VWC2L: variants seen among roughly 807,000 people sequenced by gnomAD.
VWC2L encodes the protein von Willebrand factor C domain containing 2 like.
Under a neutral mutation model 21.6 loss-of-function variants are expected in VWC2L, and 10 were observed. That is an observed-to-expected ratio of 0.46 (90% confidence interval 0.29 to 0.78). VWC2L has a LOEUF of 0.78. VWC2L is among the 30% of genes least tolerant of loss of function. VWC2L has a pLI of 0.10. For synonymous variants in VWC2L, 96 were observed against 94.3 expected, an observed-to-expected ratio of 1.02 and a Z score of -0.10; for missense variants, 209 against 277.1, an observed-to-expected ratio of 0.75 and a Z score of 1.74.
At chr2:214,450,489 G>A (rs945084065) in intron 3 of VWC2L, among the ~76,000 whole-genome samples, 1 of 152,208 alleles carries the variant, frequency 6.6e-6, no homozygotes, top group Admixed American at 6.5e-5. Flanking sequence ...AAATTTGAGG[G>A]AAAGAGTTGA....
intron 3 of VWC2L, among the ~76,000 whole-genome samples, chr2:214,493,892 C>G (rs1398503719): frequency 1.3e-5 from 2 of 152,164 alleles, no homozygotes; most frequent in African/African-American, 2.4e-5. Flanking sequence ...AAGACCCTAC[C>G]TGCAGATGTT....
At chr2:214,442,924 T>C (rs1210583442) in intron 3 of VWC2L, among the ~76,000 whole-genome samples, 1 of 152,180 alleles carries the variant, frequency 6.6e-6, no homozygotes, top group Non-Finnish European at 1.5e-5. Flanking sequence ...TCATATATTG[T>C]ATAACATATT....
intron 3 of VWC2L, among the ~76,000 whole-genome samples, chr2:214,566,454 T>TC (rs1389208537): frequency 6.6e-6 from 1 of 152,214 alleles, no homozygotes; most frequent in African/African-American, 2.4e-5. Context: ...TCTCTAGAGC[T>TC]CTCAGACTGA....
chr2:214,440,069 C>T (rs1702741933), intron 3 of VWC2L, among the ~76,000 whole-genome samples: 1 of 151,732 alleles, frequency 6.6e-6, no homozygotes, highest in Non-Finnish European at 1.5e-5. Flanking sequence ...TCAGTGATTA[C>T]CATAAACAAG....
At chr2:214,467,614 T>C (rs1399772788) in intron 3 of VWC2L, among the ~76,000 whole-genome samples, 3 of 152,194 alleles carry the variant, frequency 2.0e-5, no homozygotes, top group Admixed American at 6.5e-5. Flanking sequence ...ACTGTTACTA[T>C]ACCTTGGCCC....
rs1229933171 is a variant in VWC2L, at chr2:214,563,578, A to AAAAG, written c.521-12091_521-12090insGAAA. Among the ~76,000 whole-genome samples the AAAAG allele has an allele frequency of 1.6e-4, 21 of 133,530 alleles. 10 individuals carry two copies. The highest frequency in any genetic ancestry group is 2.2e-4 in the Non-Finnish European group (14 of 63,778). The allele number at this position is 133,530 out of a possible 152,430, so 87.6% of individuals were successfully genotyped here. ...AAAAAAAAAAAAAAAAAAAAAAAAA[A>AAAAG]AAATCAAGTGGTTCTAAATGTGAAG... On this transcript the variant is annotated intron_variant, in intron 3 of 3. Transcript: ENST00000312504.
intron 3 of VWC2L, among the ~76,000 whole-genome samples, chr2:214,512,191 G>A (rs1466804296): frequency 6.6e-6 from 1 of 152,092 alleles, no homozygotes; most frequent in Non-Finnish European, 1.5e-5. Context: ...CAACTGTGTT[G>A]CTACCTGGCC....
In VWC2L at chr2:214,472,699, G is replaced by A. The variant is rs4331499; in HGVS notation, c.520+35941G>A. On this transcript the variant is annotated intron_variant, in intron 3 of 3. Transcript: ENST00000312504. ...GCATAGCATGTCACCATGGTGATGA[G>A]ATTGCCATTGGCACCATTCTGGGCT... is the stretch of plus-strand genomic sequence containing the variant. Among the ~76,000 whole-genome samples the A allele has an allele frequency of 3.3e-5, 5 of 152,294 alleles. No homozygotes were observed. The South Asian group carries it at 1.0e-3, about 32-fold the overall frequency.
At chr2:214,538,741 A>C (rs1385767696) in intron 3 of VWC2L, among the ~76,000 whole-genome samples, 2 of 151,898 alleles carry the variant, frequency 1.3e-5, no homozygotes, top group Non-Finnish European at 2.9e-5. Context: ...CCTTCTCCCA[A>C]GTTCATTCAT....
chr2:214,483,575 C>A (rs2126197959), intron 3 of VWC2L, among the ~76,000 whole-genome samples: 2 of 152,272 alleles, frequency 1.3e-5, no homozygotes, highest in East Asian at 3.9e-4. Flanking sequence ...ACCCACAACA[C>A]CTTGGAAAAC....
At chr2:214,431,231 C>A (rs191627014) in intron 2 of VWC2L, among the ~76,000 whole-genome samples, 193 of 152,294 alleles carry the variant, frequency 1.3e-3, no homozygotes, top group African/African-American at 4.3e-3. Flanking sequence ...GAAATAGAGT[C>A]TTCCAAATTT....
chr2:214,547,084 G>C (rs7569365), intron 3 of VWC2L, among the ~76,000 whole-genome samples: 6,408 of 152,222 alleles, frequency 0.042, 472 homozygotes, highest in African/African-American at 0.15. Context: ...AAGACGGTCA[G>C]CTCAAGCTAG....
At chr2:214,436,418 G>A (rs955225864) in intron 2 of VWC2L, 41 of 523,082 alleles carry the variant, frequency 7.8e-5, no homozygotes, top group South Asian at 4.1e-4. Context: ...TGCTTTTCTT[G>A]TTCACAGCAA....
At chr2:214,533,334 A>G (rs1036028527) in intron 3 of VWC2L, among the ~76,000 whole-genome samples, 1 of 152,096 alleles carries the variant, frequency 6.6e-6, no homozygotes, top group Non-Finnish European at 1.5e-5. Flanking sequence ...TAAAGTTAGA[A>G]TAATTGAACA....
chr2:214,516,182 A>G (rs1689140151), intron 3 of VWC2L, among the ~76,000 whole-genome samples: 2 of 151,978 alleles, frequency 1.3e-5, no homozygotes, highest in Non-Finnish European at 2.9e-5. Context: ...CAATTGGCAA[A>G]TACTACAAAC....
At chr2:214,517,416 C>A (rs1689160846) in intron 3 of VWC2L, among the ~76,000 whole-genome samples, 1 of 152,144 alleles carries the variant, frequency 6.6e-6, no homozygotes, top group Admixed American at 6.5e-5. Context: ...CAATTTTTGG[C>A]TGCACGTCTC....
intron 3 of VWC2L, among the ~76,000 whole-genome samples, chr2:214,469,007 G>A (rs1703264881): frequency 6.6e-6 from 1 of 151,956 alleles, no homozygotes; most frequent in Admixed American, 6.6e-5. Context: ...TCAGATCTTG[G>A]TTTAAATATT....
chr2:214,416,775 T>C (rs1334711364), intron 2 of VWC2L, among the ~76,000 whole-genome samples: 1 of 152,084 alleles, frequency 6.6e-6, no homozygotes, highest in African/African-American at 2.4e-5. Flanking sequence ...AAAATAGCCA[T>C]TGTAATAATC....
chr2:214,426,352 C>T (rs1037272899), intron 2 of VWC2L, among the ~76,000 whole-genome samples: 1 of 151,928 alleles, frequency 6.6e-6, no homozygotes, highest in Non-Finnish European at 1.5e-5. Context: ...AAAGGGTATA[C>T]AGAGTTAGAA....
Sources: gnomAD v4.1 joint callset for allele counts (sites outside exome capture counted in the v4.1 genomes callset) on GRCh38, gnomAD v4.1.1 for gene constraint, MANE v1.5 for transcripts, NCBI Gene and HGNC (gene_info 2026-07-23, HGNC 2026-07-21) for gene names.